ZFAT: variants seen among roughly 807,000 people sequenced by gnomAD.
ZFAT encodes the protein zinc finger protein ZFAT.
In ZFAT, 64 loss-of-function variants were observed where a neutral mutation model predicts 117.7. The observed-to-expected ratio is 0.54, with a 90% CI of 0.44 to 0.67. The LOEUF is 0.67. Among genes scored for constraint, ZFAT ranks in the 30% least tolerant of loss-of-function variants. The pLI, the probability that ZFAT is intolerant of heterozygous loss-of-function variation, is 0.00. For missense variants in ZFAT, 1,433 were observed against 1,584.5 expected (o/e 0.90, Z 1.62); for synonymous variants, 679 against 615.0 (o/e 1.10, Z -1.54).
chr8:134,570,984 G>C (rs2130796141), intron 10 of ZFAT, among the ~76,000 whole-genome samples: 1 of 152,314 alleles, frequency 6.6e-6, no homozygotes. Context: ...AAGTAAGGAA[G>C]CAGAGAGGAC....
rs138426554 is a variant in ZFAT at position 134,569,468 on chromosome 8, T to TAAGGTGACTGCCCATCAG, written c.2888-4065_2888-4048dup. ...ATGGCATATCTGTGCCACTAACACATAAGGTGACTGCCCATCAGAAGGTGA... is the reference window on the plus strand; with the variant it reads ...ATGGCATATCTGTGCCACTAACACATAAGGTGACTGCCCATCAGAAGGTGACTGCCCATCAGAAGGTGA... On this transcript the variant is annotated intron_variant, in intron 10 of 15. Coordinates refer to ENST00000377838, the MANE Select transcript of ZFAT (RefSeq NM_020863.4). Among the ~76,000 whole-genome samples, 1,483 of 151,986 alleles carry TAAGGTGACTGCCCATCAG rather than the reference T, an allele frequency of 9.8e-3. 24 individuals carry two copies. Among genetic ancestry groups the TAAGGTGACTGCCCATCAG allele is most frequent in the East Asian group, 0.072 (371 of 5,150 alleles).
At chr8:134,674,555 G>A (rs1832704565) in intron 1 of ZFAT, among the ~76,000 whole-genome samples, 1 of 152,224 alleles carries the variant, frequency 6.6e-6, no homozygotes, top group Admixed American at 6.5e-5. Flanking sequence ...AGCTGTGGGT[G>A]GAGCCTCAGC....
intron 1 of ZFAT, among the ~76,000 whole-genome samples, chr8:134,709,785 G>T (rs541344312): frequency 6.6e-6 from 1 of 152,244 alleles, no homozygotes; most frequent in Non-Finnish European, 1.5e-5. Flanking sequence ...AAGGTATGGG[G>T]AGAAAAGAAA....
At chr8:134,729,788 C>A in the ZFAT span, among the ~76,000 whole-genome samples, 3 of 152,078 alleles carry the variant, frequency 2.0e-5, no homozygotes, top group Non-Finnish European at 4.4e-5. Flanking sequence ...GGGTCCTGGG[C>A]ATATTCTAAA....
Position 134,532,820 on chromosome 8 carries a change from G to A in ZFAT, c.3115+14C>T. On this transcript the variant is annotated intron_variant, in intron 12 of 15. Coordinates refer to ENST00000377838, the MANE Select transcript of ZFAT (RefSeq NM_020863.4). ...GAAGCGGGCAGGGCCCCAGCTCGCTGGCCCCTCGCCTACCTTGCTGGATGA... is the reference window on the plus strand; with the variant it reads ...GAAGCGGGCAGGGCCCCAGCTCGCTAGCCCCTCGCCTACCTTGCTGGATGA... 2 of 1,608,660 alleles carry A rather than the reference G, an allele frequency of 1.2e-6. No homozygotes were observed. The highest frequency in any genetic ancestry group is 8.5e-7 in the Non-Finnish European group (1 of 1,178,302).
chr8:134,688,117 G>T (rs1418416501), intron 1 of ZFAT, among the ~76,000 whole-genome samples: 3 of 152,134 alleles, frequency 2.0e-5, no homozygotes, highest in East Asian at 1.9e-4. Context: ...TGTGGTGGGG[G>T]TGTTATGTAG....
chr8:134,721,555 G>A, the ZFAT span, among the ~76,000 whole-genome samples: 1 of 152,188 alleles, frequency 6.6e-6, no homozygotes, highest in South Asian at 2.1e-4. Context: ...CCGACGGCTC[G>A]CCATTTCTCA....
At chr8:134,714,463 G>C (rs1205510780), upstream of ZFAT, among the ~76,000 whole-genome samples, 1 of 151,992 alleles carries the variant, frequency 6.6e-6, no homozygotes, top group Non-Finnish European at 1.5e-5. Context: ...TTCGTTCTGG[G>C]GTCACTTATT....
At chr8:134,742,239 T>C in the ZFAT span, among the ~76,000 whole-genome samples, 1 of 152,190 alleles carries the variant, frequency 6.6e-6, no homozygotes, top group Admixed American at 6.5e-5. Context: ...TAAGTATATA[T>C]GTGCCATGGT....
chr8:134,517,180 G>A (rs544546097), intron 13 of ZFAT, among the ~76,000 whole-genome samples: 18 of 152,072 alleles, frequency 1.2e-4, no homozygotes, highest in African/African-American at 3.9e-4. Flanking sequence ...TCCTCTCCAC[G>A]TAGTCACCAA....
the ZFAT span, among the ~76,000 whole-genome samples, chr8:134,775,010 C>T: frequency 6.6e-6 from 1 of 152,102 alleles, no homozygotes; most frequent in Non-Finnish European, 1.5e-5. Context: ...CCCAGCTACT[C>T]GGGAGGCTGA....
At chr8:134,770,673 G>A in the ZFAT span, among the ~76,000 whole-genome samples, 5,799 of 152,288 alleles carry the variant, frequency 0.038, 152 homozygotes, top group Middle Eastern at 0.071. Context: ...AACTCTGACC[G>A]CCGGTGAGCC....
chr8:134,542,859 C>CAGA (rs918425269), intron 11 of ZFAT, among the ~76,000 whole-genome samples: 2 of 152,218 alleles, frequency 1.3e-5, no homozygotes, highest in Non-Finnish European at 2.9e-5. Flanking sequence ...AGTTACTGCA[C>CAGA]AGAAGAAGAG....
At chr8:134,494,549 C>T (rs1034310792) in intron 15 of ZFAT, among the ~76,000 whole-genome samples, 2 of 152,168 alleles carry the variant, frequency 1.3e-5, no homozygotes, top group African/African-American at 4.8e-5. Flanking sequence ...TTTCCCAGTA[C>T]TTGAACATGA....
chr8:134,603,022 G>T, intron 5 of ZFAT, 89 bp from the exon 6 acceptor site: 1 of 1,517,656 alleles, frequency 6.6e-7, no homozygotes, highest in Non-Finnish European at 8.8e-7. Flanking sequence ...AACACTAAAG[G>T]CTGAAAAGTG....
intron 1 of ZFAT, among the ~76,000 whole-genome samples, chr8:134,699,818 C>A (rs1833962731): frequency 6.6e-6 from 1 of 152,248 alleles, no homozygotes; most frequent in South Asian, 2.1e-4. Flanking sequence ...TTGCAGATAA[C>A]CTCTCTGGTG....
At chr8:134,564,861 T>C in intron 11 of ZFAT, 1 of 859,536 alleles carries the variant, frequency 1.2e-6, no homozygotes, top group Non-Finnish European at 1.5e-6. Flanking sequence ...GAATATGAAA[T>C]GCCACCATCT....
At chr8:134,805,729 T>G in the ZFAT span, among the ~76,000 whole-genome samples, 1 of 152,146 alleles carries the variant, frequency 6.6e-6, no homozygotes. Context: ...TCACAGCACT[T>G]TGGGAGGCCG....
Position 134,602,110 on chromosome 8 carries a change from G to A in ZFAT, c.1609C>T (p.Pro537Ser), listed in dbSNP as rs1454481112. 4 of 1,612,466 alleles carry A rather than the reference G, an allele frequency of 2.5e-6. No individual in the cohort carries two copies. In the South Asian group the frequency reaches 4.4e-5, roughly 18 times the overall value. Residue 537 changes from proline (P) to serine (S), a missense_variant, in exon 6 of 16, where the codon CCT becomes TCT. Coordinates refer to ENST00000377838, the MANE Select transcript of ZFAT (RefSeq NM_020863.4). ...CCCTCCTCCAGCTGAGTGTCCCCAG[G>A]ACAGGCCTCTTCCTTGAGTGCATTC... is the stretch of plus-strand genomic sequence containing the variant. ...GVNALKEEAC[P>S]GDTQLEEGRK...
Sources: gnomAD v4.1 joint callset for allele counts (sites outside exome capture counted in the v4.1 genomes callset) on GRCh38, gnomAD v4.1.1 for gene constraint, MANE v1.5 for transcripts, NCBI Gene and HGNC (gene_info 2026-07-23, HGNC 2026-07-21) for gene names.